LHFPL3: variants seen among roughly 807,000 people sequenced by gnomAD.
LHFPL3 encodes LHFPL tetraspan subfamily member 3 protein.
LHFPL3 carries 5 observed loss-of-function variants against 19.3 expected under a neutral mutation model. The ratio of observed to expected loss-of-function variants is 0.26; its 90% confidence interval spans 0.14 to 0.54. The LOEUF (loss-of-function observed/expected upper bound fraction) is 0.54, where lower values mean the gene tolerates loss of function less well. LHFPL3 is among the 20% of genes least tolerant of loss of function. The probability of loss-of-function intolerance (pLI) is 0.94; values close to 1 mark genes in which losing one functional copy is unlikely to be tolerated. For missense variants in LHFPL3, 249 were observed against 307.4 expected (o/e 0.81, Z 1.42); for synonymous variants, 133 against 126.2 (o/e 1.05, Z -0.36).
At chr7:104,828,462 G>A (rs1418833260) in intron 2 of LHFPL3, among the ~76,000 whole-genome samples, 1 of 151,918 alleles carries the variant, frequency 6.6e-6, no homozygotes, top group African/African-American at 2.4e-5. Flanking sequence ...CCTTCCTCTG[G>A]TCTCTTGTCT....
chr7:104,761,998 C>T (rs1236866235), intron 2 of LHFPL3, among the ~76,000 whole-genome samples: 1 of 152,190 alleles, frequency 6.6e-6, no homozygotes, highest in Non-Finnish European at 1.5e-5. Context: ...CTCAAAATTT[C>T]ATGTGCCTAT....
chr7:104,408,864 C>CTTTCTTTTTTTTTTT (rs1791475665), intron 1 of LHFPL3, among the ~76,000 whole-genome samples: 6 of 105,436 alleles, frequency 5.7e-5, no homozygotes, highest in African/African-American at 1.9e-4. Flanking sequence ...AATTTTCTTT[C>CTTTCTTTTTTTTTTT]TTTTTTTTTT....
intron 1 of LHFPL3, chr7:104,668,945 A>G: frequency 6.2e-7 from 1 of 1,612,468 alleles, no homozygotes; most frequent in South Asian, 1.1e-5. Flanking sequence ...CGGCCTCGGG[A>G]GAGACACCCA....
chr7:104,381,462 T>C (rs1387877912), intron 1 of LHFPL3, among the ~76,000 whole-genome samples: 1 of 152,224 alleles, frequency 6.6e-6, no homozygotes, highest in Non-Finnish European at 1.5e-5. Context: ...ATATAAATAA[T>C]GCCCTTTGCC....
At chr7:104,473,712 T>G (rs1249200201) in intron 1 of LHFPL3, among the ~76,000 whole-genome samples, 4 of 152,166 alleles carry the variant, frequency 2.6e-5, no homozygotes, top group African/African-American at 9.7e-5. Context: ...GGTGTGGGAG[T>G]TAGATGAGAC....
chr7:104,613,366 G>T (rs1345944122), intron 1 of LHFPL3, among the ~76,000 whole-genome samples: 1 of 152,140 alleles, frequency 6.6e-6, no homozygotes, highest in African/African-American at 2.4e-5. Context: ...AGAAGGATAA[G>T]AACTTTATTG....
chr7:104,641,040 A>G (rs1791823589), intron 1 of LHFPL3, among the ~76,000 whole-genome samples: 1 of 152,222 alleles, frequency 6.6e-6, no homozygotes, highest in African/African-American at 2.4e-5. Context: ...TCCCAAGTGA[A>G]CATATCTGTG....
At chr7:104,721,316 C>T (rs1184956625) in intron 1 of LHFPL3, among the ~76,000 whole-genome samples, 1 of 152,152 alleles carries the variant, frequency 6.6e-6, no homozygotes. Flanking sequence ...CATGCTCTCC[C>T]TCATAGGTGG....
At chr7:104,842,596 G>T (rs546484836) in intron 2 of LHFPL3, among the ~76,000 whole-genome samples, 1 of 152,122 alleles carries the variant, frequency 6.6e-6, no homozygotes, top group Non-Finnish European at 1.5e-5. Flanking sequence ...CACAAAAAGC[G>T]TAACTGCCTC....
chr7:104,474,599 G>A (rs1031919564), intron 1 of LHFPL3, among the ~76,000 whole-genome samples: 2 of 150,832 alleles, frequency 1.3e-5, no homozygotes, highest in Non-Finnish European at 2.9e-5. Context: ...CCCGGGAGGC[G>A]GAGCTTGCAG....
intron 1 of LHFPL3, among the ~76,000 whole-genome samples, chr7:104,595,895 G>C (rs1417555315): frequency 6.6e-6 from 1 of 152,260 alleles, no homozygotes; most frequent in African/African-American, 2.4e-5. Context: ...CACCTTGTCT[G>C]CCGGTTGCTA....
chr7:104,870,931 G>A (rs1033111069), intron 2 of LHFPL3, among the ~76,000 whole-genome samples: 3 of 152,178 alleles, frequency 2.0e-5, no homozygotes, highest in Non-Finnish European at 2.9e-5. Context: ...GCAGTGGGGG[G>A]CACTCTATAG....
intron 2 of LHFPL3, among the ~76,000 whole-genome samples, chr7:104,810,046 G>A (rs1790436185): frequency 6.6e-6 from 1 of 152,220 alleles, no homozygotes; most frequent in African/African-American, 2.4e-5. Flanking sequence ...CAACAACTAA[G>A]CTAAAATCTG....
At chr7:104,420,858 G>A (rs1482416248) in intron 1 of LHFPL3, among the ~76,000 whole-genome samples, 1 of 152,184 alleles carries the variant, frequency 6.6e-6, no homozygotes, top group Non-Finnish European at 1.5e-5. Context: ...CACCGCGCCC[G>A]GCCCCCCAAA....
chr7:104,563,134 T>C (rs1790044186), intron 1 of LHFPL3, among the ~76,000 whole-genome samples: 2 of 152,068 alleles, frequency 1.3e-5, no homozygotes, highest in South Asian at 4.1e-4. Flanking sequence ...GCTGTCTTTT[T>C]GTTTGTCTGT....
intron 1 of LHFPL3, among the ~76,000 whole-genome samples, chr7:104,422,362 A>AAACAACAACAACAACAAC (rs139661329): frequency 1.2e-4 from 18 of 151,698 alleles, no homozygotes; most frequent in African/African-American, 3.9e-4. Flanking sequence ...CTCTGTCTCA[A>AAACAACAACAACAACAAC]AACAACAACA....
chr7:104,887,195 A>G (rs1792166115), intron 2 of LHFPL3, among the ~76,000 whole-genome samples: 1 of 152,242 alleles, frequency 6.6e-6, no homozygotes. Context: ...AGAAGGCTAA[A>G]TGATTCCCTT....
chr7:104,728,922 A>T (rs1793638301), intron 1 of LHFPL3, among the ~76,000 whole-genome samples: 1 of 152,214 alleles, frequency 6.6e-6, no homozygotes. Flanking sequence ...TTGTTCAGAA[A>T]GCTTTGTATA....
At chr7:104,521,411 A>G (rs566639437) in intron 1 of LHFPL3, among the ~76,000 whole-genome samples, 3 of 152,144 alleles carry the variant, frequency 2.0e-5, no homozygotes, top group Non-Finnish European at 4.4e-5. Flanking sequence ...GTGCTGAAAA[A>G]AATGTATATT....
Sources: gnomAD v4.1 joint callset for allele counts (sites outside exome capture counted in the v4.1 genomes callset) on GRCh38, gnomAD v4.1.1 for gene constraint, MANE v1.5 for transcripts, NCBI Gene and HGNC (gene_info 2026-07-23, HGNC 2026-07-21) for gene names.